The following BTN2A2 variants were observed in gnomAD, a reference collection of about 807,000 sequenced individuals.
The protein encoded by BTN2A2 is butyrophilin 2.
Under a neutral mutation model 34.7 loss-of-function variants are expected in BTN2A2, and 29 were observed. The ratio of observed to expected loss-of-function variants is 0.84; its 90% CI spans 0.62 to 1.14. The LOEUF is 1.14. Among genes scored for constraint, BTN2A2 ranks in the 50% most tolerant of loss-of-function variants. The pLI is 0.00. For missense variants in BTN2A2, 612 were observed against 651.5 expected, an observed-to-expected ratio of 0.94 and a Z score of 0.66; for synonymous variants, 240 against 253.1, an observed-to-expected ratio of 0.95 and a Z score of 0.49.
chr6:26,390,856 T>C, intron 7 of BTN2A2, 27 bp downstream of exon 7: 1 of 1,613,614 alleles, frequency 6.2e-7, no homozygotes, highest in Non-Finnish European at 8.5e-7. Flanking sequence ...TTCTCTCAGA[T>C]CTCAGCTTTC....
At position 26,384,679 on chromosome 6, in the gene BTN2A2, A is replaced by T. The variant is rs1278537106; in HGVS notation, c.95-336A>T. Among the ~76,000 whole-genome samples the T allele has an allele frequency of 6.6e-6, 1 of 152,232 alleles. No homozygotes were observed. The highest frequency in any genetic ancestry group is 2.4e-5 in the African/African-American group (1 of 41,454). ...CTAGTGGATAGATACCCTAATGGAC[A>T]GTTCAAGTTTACACTACACTCAGGC... On this transcript the variant is annotated intron_variant, in intron 2 of 7. Coordinates refer to ENST00000356709, the MANE Select transcript of BTN2A2 (RefSeq NM_006995.5). This position sits in a 1 kb window ranked among gnomAD's most constrained non-coding sequence, Gnocchi z 4.0.
Position 26,384,986 on chromosome 6 carries a change from C to T in BTN2A2, c.95-29C>T, listed in dbSNP as rs1761091588. 1 of 1,595,840 alleles carries T rather than the reference C, an allele frequency of 6.3e-7. No homozygotes were observed. The highest frequency in any genetic ancestry group is 1.1e-5 in the South Asian group (1 of 90,322). On this transcript the variant is annotated intron_variant, in intron 2 of 7. Coordinates refer to ENST00000356709, the MANE Select transcript of BTN2A2 (RefSeq NM_006995.5). The surrounding 1 kb of genome is among the most constrained non-coding windows in gnomAD (Gnocchi z 4.0). Reference sequence around the variant, plus strand: ...GCCTTAGAGTTGTGATAACTGGCATCCTTGTCTGATTCTGCCCTTGTTGAA... The same window carrying T: ...GCCTTAGAGTTGTGATAACTGGCATTCTTGTCTGATTCTGCCCTTGTTGAA...
chr6:26,392,831 C>G lies in BTN2A2; in HGVS notation c.1436C>G (p.Pro479Arg). Reference protein sequence around the residue: ...YTCPRSAFTVPVRPFFRLGSD... With the variant: ...YTCPRSAFTVRVRPFFRLGSD... ...TGTCCCCGTTCAGCCTTTACTGTGC[C>G]TGTGAGGCCCTTCTTCAGGTTAGGG... The change falls in exon 8 of 8, where the codon CCT becomes CGT. Residue 479 changes from proline to arginine, a missense_variant. Pro to Arg is a moderately radical substitution (Grantham distance 103). Coordinates refer to ENST00000356709, the MANE Select transcript of BTN2A2 (RefSeq NM_006995.5). The G allele has an allele frequency of 6.2e-7, 1 of 1,614,228 alleles. No individual in the cohort carries two copies. The highest frequency in any genetic ancestry group is 2.2e-5 in the East Asian group (1 of 44,890).
chr6:26,383,805 G>C lies in BTN2A2; in HGVS notation c.-17G>C, dbSNP rs772599713. The C allele has an allele frequency of 1.2e-6, 2 of 1,613,218 alleles. No homozygotes were observed. Among genetic ancestry groups the C allele is most frequent in the Non-Finnish European group, 8.5e-7 (1 of 1,179,222 alleles). On this transcript the variant is annotated 5_prime_UTR_variant, in exon 2 of 8. Coordinates refer to ENST00000356709, the MANE Select transcript of BTN2A2 (RefSeq NM_006995.5). The surrounding 1 kb of genome is among the most constrained non-coding windows in gnomAD (Gnocchi z 4.4). ...CTGTAACCCTAGGCCTCTGGTCTCTGCCTGCCCTGGGTGCTCATGGAACCA... is the reference window on the plus strand; with the variant it reads ...CTGTAACCCTAGGCCTCTGGTCTCTCCCTGCCCTGGGTGCTCATGGAACCA...
chr6:26,388,197 A>G lies in BTN2A2; in HGVS notation c.627A>G (p.Thr209=), dbSNP rs370196656. 133 of 1,614,074 alleles carry G rather than the reference A, an allele frequency of 8.2e-5. No homozygotes were observed. The highest frequency in any genetic ancestry group is 9.8e-5 in the Non-Finnish European group (116 of 1,180,034). Residue 209 remains threonine, a synonymous_variant, in exon 4 of 8, where the codon ACA becomes ACG. Transcript: ENST00000356709. Reference sequence around the variant, plus strand: ...CTGACGGCCTCTTCATGGTCACCACAGCTGTGATCATCAGAGACAAGTATG... The same window carrying G: ...CTGACGGCCTCTTCATGGTCACCACGGCTGTGATCATCAGAGACAAGTATG... ...ADADGLFMVT[T]AVIIRDKYVR...
intron 3 of BTN2A2, among the ~76,000 whole-genome samples, chr6:26,387,671 G>A (rs1461997320): frequency 6.6e-6 from 1 of 152,088 alleles, no homozygotes; most frequent in Non-Finnish European, 1.5e-5. Flanking sequence ...GAGGTCTGCA[G>A]AGAAGTCATC....
At chr6:26,386,419 G>A (rs1761206498) in intron 3 of BTN2A2, among the ~76,000 whole-genome samples, 1 of 152,234 alleles carries the variant, frequency 6.6e-6, no homozygotes, top group Non-Finnish European at 1.5e-5. Context: ...CAGACCAGTG[G>A]AGGCAAGGAC....
At chr6:26,385,518 G>A (rs1017197116) in intron 3 of BTN2A2, 156 bp downstream of exon 3, 2 of 672,844 alleles carry the variant, frequency 3.0e-6, no homozygotes, top group South Asian at 2.0e-5. Flanking sequence ...GGCCACATGA[G>A]TGGGTTTGCC....
chr6:26,383,745 T>G lies in BTN2A2; in HGVS notation c.-30-47T>G. ...AGGAGAGGTTGGGCCCGACCAGCAC[T>G]GAGGTGCCAAGACTCCTAGGCTGAT... On this transcript the variant is annotated intron_variant, in intron 1 of 7. Transcript: ENST00000356709. The surrounding 1 kb of genome is among the most constrained non-coding windows in gnomAD (Gnocchi z 4.4). The G allele has an allele frequency of 6.7e-7, 1 of 1,484,994 alleles. No homozygotes were observed. Among genetic ancestry groups the G allele is most frequent in the East Asian group, 2.3e-5 (1 of 44,160 alleles). The allele number at this position is 1,484,994 out of a possible 1,614,324, so 92.0% of individuals were successfully genotyped here.
Position 26,384,943 on chromosome 6 carries a change from T to G in BTN2A2, c.95-72T>G. The G allele has an allele frequency of 7.3e-7, 1 of 1,375,846 alleles. No individual in the cohort carries two copies. Among genetic ancestry groups the G allele is most frequent in the East Asian group, 2.4e-5 (1 of 42,062 alleles). 85.2% of individuals were successfully genotyped at this position (1,375,846 alleles called of 1,614,324 possible). On this transcript the variant is annotated intron_variant, in intron 2 of 7. Transcript: ENST00000356709. The surrounding 1 kb of genome is among the most constrained non-coding windows in gnomAD (Gnocchi z 4.0). The stretch of plus-strand genomic sequence containing the variant: ...AGTTTTTTTTGTTTGTTTGTTTTTG[T>G]TTTTTGTTTTTTGTTTTGCCTTAGA...
chr6:26,387,052 A>G (rs1030766676), intron 3 of BTN2A2, among the ~76,000 whole-genome samples: 3 of 152,240 alleles, frequency 2.0e-5, no homozygotes. Context: ...TCCCAGGACC[A>G]TGCTTTTGCA....
chr6:26,383,607 A>C lies in BTN2A2; in HGVS notation c.-30-185A>C. 2 of 590,950 alleles carry C rather than the reference A, an allele frequency of 3.4e-6. No homozygotes were observed. The allele number at this position is 590,950 out of a possible 1,614,324, so 36.6% of individuals were successfully genotyped here. A position where few individuals can be genotyped will look rare whatever the true frequency, so the allele number is the denominator to read the frequency against. ...GGAAAACGGCCCCCTTGATCTCTGCATTGATGGCTTACTTATGGAATGTTT... is the reference window on the plus strand; with the variant it reads ...GGAAAACGGCCCCCTTGATCTCTGCCTTGATGGCTTACTTATGGAATGTTT... On this transcript the variant is annotated intron_variant, in intron 1 of 7. Coordinates refer to ENST00000356709, the MANE Select transcript of BTN2A2 (RefSeq NM_006995.5). This position sits in a 1 kb window ranked among gnomAD's most constrained non-coding sequence, Gnocchi z 4.4.
intron 5 of BTN2A2, 46 bp from the exon 6 acceptor site, chr6:26,390,641 G>T: frequency 6.2e-7 from 1 of 1,613,390 alleles, no homozygotes; most frequent in Non-Finnish European, 8.5e-7. Context: ...ATTTCTCTTA[G>T]TTCTTCTGTT....
At chr6:26,385,771 C>T (rs1478835909) in intron 3 of BTN2A2, among the ~76,000 whole-genome samples, 1 of 152,152 alleles carries the variant, frequency 6.6e-6, no homozygotes, top group Non-Finnish European at 1.5e-5. Flanking sequence ...AGGCTGGTCT[C>T]AAACTCCTGA....
chr6:26,384,487 A>G lies in BTN2A2; in HGVS notation c.95-528A>G, dbSNP rs1028761621. 9.2e-5 allele frequency among the ~76,000 whole-genome samples: 14 copies of G among 152,258 alleles called. No homozygotes were observed. The highest frequency in any genetic ancestry group is 2.1e-4 in the Non-Finnish European group (14 of 68,034). On this transcript the variant is annotated intron_variant, in intron 2 of 7. Transcript: ENST00000356709. The surrounding 1 kb of genome is among the most constrained non-coding windows in gnomAD (Gnocchi z 4.0). Reference sequence around the variant, plus strand: ...AAAGGTAAAAACATACTTGAAATAAATTTTAATAATGTATTTTGTTTCATA... The same window carrying G: ...AAAGGTAAAAACATACTTGAAATAAGTTTTAATAATGTATTTTGTTTCATA...
chr6:26,390,115 A>G lies in BTN2A2; in HGVS notation c.835A>G (p.Met279Val), dbSNP rs1371728089. The G allele has an allele frequency of 3.1e-6, 5 of 1,614,140 alleles. No individual in the cohort carries two copies. The highest frequency in any genetic ancestry group is 3.4e-6 in the Non-Finnish European group (4 of 1,180,042). ...CATCCTGGCTGTTTTCATCATCTTCATGGCTGTCAGCATCTGTTGCATCAA... is the reference window on the plus strand; with the variant it reads ...CATCCTGGCTGTTTTCATCATCTTCGTGGCTGTCAGCATCTGTTGCATCAA... ...TVILAVFIIF[M>V]AVSICCIKKL... The change falls in exon 5 of 8, where the codon ATG becomes GTG. Residue 279 changes from methionine to valine, a missense_variant. Met to Val is a conservative substitution (Grantham distance 21, BLOSUM62 1). Coordinates refer to ENST00000356709, the MANE Select transcript of BTN2A2 (RefSeq NM_006995.5).
chr6:26,391,054 T>C, intron 7 of BTN2A2: 1 of 623,508 alleles, frequency 1.6e-6, no homozygotes, highest in Non-Finnish European at 2.8e-6. Context: ...GGACCCTTTC[T>C]CTTTTGGAAT....
At chr6:26,387,306 A>G (rs757112677) in intron 3 of BTN2A2, among the ~76,000 whole-genome samples, 11 of 152,232 alleles carry the variant, frequency 7.2e-5, no homozygotes, top group Non-Finnish European at 1.2e-4. Flanking sequence ...TTAGAATAAG[A>G]ATTGGCTTTG....
At chr6:26,389,423 T>A (rs993621041) in intron 4 of BTN2A2, among the ~76,000 whole-genome samples, 1 of 152,002 alleles carries the variant, frequency 6.6e-6, no homozygotes, top group Non-Finnish European at 1.5e-5. Context: ...AGGAAGGAGC[T>A]TGTCTGGCAG....
Sources: allele counts gnomAD v4.1 joint callset (sites outside exome capture counted in the v4.1 genomes callset), GRCh38; gene constraint gnomAD v4.1.1; non-coding constraint Gnocchi (gnomAD v3.1); transcripts MANE v1.5; gene names NCBI Gene and HGNC (gene_info 2026-07-23, HGNC 2026-07-21).